PCDH9: variants seen among roughly 807,000 people sequenced by gnomAD.
PCDH9 encodes the protein protocadherin 9.
Under a neutral mutation model 70.6 loss-of-function variants are expected in PCDH9, and 24 were observed. The observed-to-expected ratio is 0.34, with a 90% CI of 0.25 to 0.48. PCDH9 has a LOEUF of 0.48. Among genes scored for constraint, PCDH9 ranks in the 20% least tolerant of loss-of-function variants. The probability of loss-of-function intolerance (pLI) is 0.99; values close to 1 mark genes in which losing one functional copy is unlikely to be tolerated. For synonymous variants in PCDH9, 562 were observed against 558.5 expected (o/e 1.01, Z -0.09); for missense variants, 1,281 against 1,503.6 (o/e 0.85, Z 2.45).
At chr13:67,220,931 T>C (rs1029466284) in intron 2 of PCDH9, 7 of 152,078 alleles carry the variant, frequency 4.6e-5, no homozygotes, top group Non-Finnish European at 7.4e-5. Flanking sequence ...AATGGAAAGA[T>C]AGCCAGTTTG....
chr13:67,042,086 T>C (rs1594430960), intron 2 of PCDH9, among the ~76,000 whole-genome samples: 1 of 152,148 alleles, frequency 6.6e-6, no homozygotes, highest in Non-Finnish European at 1.5e-5. Context: ...GTTTCGTAAG[T>C]CTGGATCCCT....
At chr13:67,103,176 A>C (rs1246544903) in intron 2 of PCDH9, among the ~76,000 whole-genome samples, 1 of 152,158 alleles carries the variant, frequency 6.6e-6, no homozygotes, top group Non-Finnish European at 1.5e-5. Flanking sequence ...TGAGATAGTT[A>C]CAACTCAGTA....
intron 3 of PCDH9, among the ~76,000 whole-genome samples, chr13:66,635,141 A>T (rs1387994056): frequency 6.6e-6 from 1 of 152,184 alleles, no homozygotes; most frequent in African/African-American, 2.4e-5. Context: ...GGGACAACAC[A>T]TATTACAGTG....
intron 4 of PCDH9, among the ~76,000 whole-genome samples, chr13:66,559,062 T>C (rs557319384): frequency 6.6e-6 from 1 of 152,284 alleles, no homozygotes; most frequent in Admixed American, 6.5e-5. Context: ...AACTTTCCAC[T>C]TAGTTTCTCT....
intron 4 of PCDH9, among the ~76,000 whole-genome samples, chr13:66,534,023 A>C (rs921016565): frequency 2.0e-5 from 3 of 152,108 alleles, no homozygotes; most frequent in African/African-American, 7.2e-5. Flanking sequence ...CTTCCTTACC[A>C]TGGCTTTTAG....
chr13:67,126,115 A>G (rs1157154957), intron 2 of PCDH9, among the ~76,000 whole-genome samples: 3 of 152,200 alleles, frequency 2.0e-5, no homozygotes, highest in Non-Finnish European at 4.4e-5. Flanking sequence ...AGTAGTGGTC[A>G]TGATTCAAAT....
At position 66,558,973 on chromosome 13, in the gene PCDH9, A is replaced by G. The variant is rs117852343; in HGVS notation, c.3340+72237T>C. 4.4e-3 allele frequency among the ~76,000 whole-genome samples: 672 copies of G among 152,310 alleles called. 1 individual carries two copies. Among genetic ancestry groups the G allele is most frequent in the Non-Finnish European group, 6.7e-3 (456 of 68,022 alleles). Reference sequence around the variant, plus strand: ...TGGTGAGTTCTTAATTTGTGCTTCAATGGCAGAGCTGACATGCACAGAGTT... The same window carrying G: ...TGGTGAGTTCTTAATTTGTGCTTCAGTGGCAGAGCTGACATGCACAGAGTT... On this transcript the variant is annotated intron_variant, in intron 4 of 4. Coordinates refer to ENST00000377865, the MANE Select transcript of PCDH9 (RefSeq NM_203487.3).
intron 3 of PCDH9, among the ~76,000 whole-genome samples, chr13:66,733,329 T>C (rs2079101558): frequency 6.6e-6 from 1 of 152,178 alleles, no homozygotes; most frequent in African/African-American, 2.4e-5. Flanking sequence ...CCACAAATTA[T>C]TCCTGTCACA....
At chr13:66,979,637 G>C (rs144382581) in intron 2 of PCDH9, among the ~76,000 whole-genome samples, 1 of 152,038 alleles carries the variant, frequency 6.6e-6, no homozygotes, top group African/African-American at 2.4e-5. Flanking sequence ...TCTCCTTCAA[G>C]ATCTCTACTT....
At chr13:67,110,538 G>T (rs773656608) in intron 2 of PCDH9, among the ~76,000 whole-genome samples, 8 of 146,764 alleles carry the variant, frequency 5.5e-5, no homozygotes, top group Non-Finnish European at 3.0e-5. Flanking sequence ...AAAAAAAAGG[G>T]ACATTACAGA....
intron 4 of PCDH9, among the ~76,000 whole-genome samples, chr13:66,584,922 T>C (rs2076942584): frequency 6.6e-6 from 1 of 152,170 alleles, no homozygotes; most frequent in Admixed American, 6.5e-5. Flanking sequence ...ATTTAAAATG[T>C]AGATTTAAAA....
intron 2 of PCDH9, among the ~76,000 whole-genome samples, chr13:66,922,749 A>T (rs1209670108): frequency 6.6e-6 from 1 of 151,482 alleles, no homozygotes; most frequent in Admixed American, 6.6e-5. Flanking sequence ...ATTAGAAATG[A>T]GGAGCTTATT....
At chr13:66,969,166 G>A (rs1382158113) in intron 2 of PCDH9, among the ~76,000 whole-genome samples, 1 of 151,968 alleles carries the variant, frequency 6.6e-6, no homozygotes, top group African/African-American at 2.4e-5. Flanking sequence ...TCGCTACTGT[G>A]AATACCGCTT....
intron 2 of PCDH9, among the ~76,000 whole-genome samples, chr13:66,944,763 A>G (rs1259027410): frequency 6.7e-6 from 1 of 150,120 alleles, no homozygotes; most frequent in Non-Finnish European, 1.5e-5. Context: ...TTTATCATTC[A>G]TTGTTGGGAT....
chr13:67,005,241 T>C, intron 2 of PCDH9, among the ~76,000 whole-genome samples: 1 of 148,764 alleles, frequency 6.7e-6, no homozygotes, highest in Non-Finnish European at 1.5e-5. Context: ...CTGATCTCTT[T>C]AAAAAAAAAA....
chr13:66,512,937 T>C (rs1023231424), intron 4 of PCDH9, among the ~76,000 whole-genome samples: 11 of 152,060 alleles, frequency 7.2e-5, no homozygotes, highest in African/African-American at 2.7e-4. Context: ...CAAGTGATCC[T>C]CCCAACTCAG....
chr13:66,915,604 A>C (rs1018026727), intron 2 of PCDH9, among the ~76,000 whole-genome samples: 3 of 151,632 alleles, frequency 2.0e-5, no homozygotes, highest in African/African-American at 7.3e-5. Flanking sequence ...AATCACCCAA[A>C]CAGCTACAGA....
At chr13:67,165,534 A>G (rs1594600481) in intron 2 of PCDH9, among the ~76,000 whole-genome samples, 1 of 152,150 alleles carries the variant, frequency 6.6e-6, no homozygotes, top group South Asian at 2.1e-4. Context: ...AGTGGTCAAG[A>G]CTGTCCTGGG....
At chr13:66,846,815 A>G (rs2081218409) in intron 3 of PCDH9, among the ~76,000 whole-genome samples, 1 of 151,966 alleles carries the variant, frequency 6.6e-6, no homozygotes, top group Admixed American at 6.6e-5. Context: ...CTGTAATAGT[A>G]AAACTTGCTA....
Sources: allele counts gnomAD v4.1 joint callset (sites outside exome capture counted in the v4.1 genomes callset), GRCh38; gene constraint gnomAD v4.1.1; transcripts MANE v1.5; gene names NCBI Gene and HGNC (gene_info 2026-07-23, HGNC 2026-07-21).